The following GPC6 variants were observed in gnomAD, a reference collection of about 807,000 sequenced individuals.
GPC6 encodes glypican 6.
GPC6 carries 14 observed loss-of-function variants against 55.2 expected under a neutral mutation model. The ratio of observed to expected loss-of-function variants is 0.25; its 90% CI spans 0.17 to 0.40. The LOEUF (loss-of-function observed/expected upper bound fraction) is 0.40, where lower values mean the gene tolerates loss of function less well. GPC6 is among the 10% of genes least tolerant of loss of function. The pLI is 1.00. For synonymous variants in GPC6, 278 were observed against 259.6 expected, an observed-to-expected ratio of 1.07 and a Z score of -0.68; for missense variants, 641 against 708.5, an observed-to-expected ratio of 0.90 and a Z score of 1.08.
intron 1 of GPC6, among the ~76,000 whole-genome samples, chr13:93,529,991 T>G (rs1004476533): frequency 6.6e-6 from 1 of 152,224 alleles, no homozygotes; most frequent in African/African-American, 2.4e-5. Flanking sequence ...TCCATTTAAC[T>G]TTTATTGCAG....
chr13:94,117,318 T>C (rs1886468723), intron 4 of GPC6, among the ~76,000 whole-genome samples: 1 of 152,126 alleles, frequency 6.6e-6, no homozygotes, highest in Non-Finnish European at 1.5e-5. Context: ...GTATCCTGAA[T>C]AATAATTCTA....
intron 1 of GPC6, among the ~76,000 whole-genome samples, chr13:93,267,778 C>T (rs749552957): frequency 6.6e-6 from 1 of 152,078 alleles, no homozygotes; most frequent in Non-Finnish European, 1.5e-5. Context: ...AAGTAACAGG[C>T]TATTAGATCA....
At chr13:94,363,173 C>T (rs1427381024) in intron 6 of GPC6, among the ~76,000 whole-genome samples, 1 of 152,106 alleles carries the variant, frequency 6.6e-6, no homozygotes, top group African/African-American at 2.4e-5. Context: ...TGTTTTATTG[C>T]ATGAGTATCT....
chr13:94,117,150 G>A (rs1886464257), intron 4 of GPC6, among the ~76,000 whole-genome samples: 1 of 152,034 alleles, frequency 6.6e-6, no homozygotes, highest in Non-Finnish European at 1.5e-5. Context: ...CAAGCATTCT[G>A]CCTAATAATA....
chr13:94,298,901 C>G (rs1875490063), intron 5 of GPC6, among the ~76,000 whole-genome samples: 1 of 152,130 alleles, frequency 6.6e-6, no homozygotes, highest in African/African-American at 2.4e-5. Flanking sequence ...AAGTGTCTGT[C>G]CTATCATAGA....
At chr13:93,346,420 A>C (rs1272929471) in intron 1 of GPC6, among the ~76,000 whole-genome samples, 1 of 152,320 alleles carries the variant, frequency 6.6e-6, no homozygotes, top group South Asian at 2.1e-4. Flanking sequence ...TCCCAGGAAA[A>C]CTGAAGTGGC....
intron 4 of GPC6, among the ~76,000 whole-genome samples, chr13:94,230,171 A>T (rs1356077406): frequency 6.6e-6 from 1 of 152,132 alleles, no homozygotes; most frequent in African/African-American, 2.4e-5. Flanking sequence ...ACAAGTTACC[A>T]TATGTAAAGA....
intron 1 of GPC6, among the ~76,000 whole-genome samples, chr13:93,332,888 A>G (rs1419578789): frequency 2.0e-5 from 3 of 152,172 alleles, no homozygotes; most frequent in Non-Finnish European, 4.4e-5. Flanking sequence ...GTATTCAGTG[A>G]GAGACATGGG....
At chr13:93,950,127 A>G (rs1019067209) in intron 3 of GPC6, among the ~76,000 whole-genome samples, 3 of 152,236 alleles carry the variant, frequency 2.0e-5, no homozygotes, top group African/African-American at 7.2e-5. Flanking sequence ...ATGCCATTGA[A>G]TTGTACACCT....
At chr13:94,190,916 T>C (rs1193149547) in intron 4 of GPC6, among the ~76,000 whole-genome samples, 1 of 152,186 alleles carries the variant, frequency 6.6e-6, no homozygotes, top group African/African-American at 2.4e-5. Context: ...TGGTACATAT[T>C]AGTATGTAAG....
chr13:94,076,964 T>G (rs1362551499), intron 4 of GPC6, among the ~76,000 whole-genome samples: 4 of 94,102 alleles, frequency 4.3e-5, no homozygotes, highest in African/African-American at 1.4e-4. Context: ...GCTTCTGTTT[T>G]TTTTTTTTTT....
chr13:93,351,544 A>G (rs373140647), intron 1 of GPC6, among the ~76,000 whole-genome samples: 1 of 152,130 alleles, frequency 6.6e-6, no homozygotes, highest in Admixed American at 6.6e-5. Context: ...ACTATAGTTA[A>G]TAAAAGCACA....
chr13:93,893,232 G>T (rs879834328), intron 3 of GPC6, among the ~76,000 whole-genome samples: 5 of 151,810 alleles, frequency 3.3e-5, no homozygotes, highest in Non-Finnish European at 5.9e-5. Context: ...GCTAATTTTT[G>T]TATTTTAGTA....
At chr13:94,242,617 A>G (rs1338684731) in intron 4 of GPC6, among the ~76,000 whole-genome samples, 1 of 152,122 alleles carries the variant, frequency 6.6e-6, no homozygotes, top group Non-Finnish European at 1.5e-5. Flanking sequence ...AATGTGATGC[A>G]CACTAAAGCT....
intron 1 of GPC6, among the ~76,000 whole-genome samples, chr13:93,360,203 C>T (rs1444422598): frequency 6.6e-6 from 1 of 152,082 alleles, no homozygotes; most frequent in Non-Finnish European, 1.5e-5. Context: ...TGTTGAAACC[C>T]CAGAGTGAAA....
At chr13:93,512,938 A>T (rs1300320414) in intron 1 of GPC6, among the ~76,000 whole-genome samples, 1 of 152,214 alleles carries the variant, frequency 6.6e-6, no homozygotes, top group East Asian at 1.9e-4. Flanking sequence ...TATGAAAATC[A>T]GATTTAAAAA....
chr13:93,511,844 T>C (rs577970394), intron 1 of GPC6, among the ~76,000 whole-genome samples: 3 of 152,126 alleles, frequency 2.0e-5, no homozygotes, highest in African/African-American at 7.2e-5. Flanking sequence ...TTCAATTTCT[T>C]TCACCCAAGT....
chr13:93,346,556 C>T lies in GPC6; in HGVS notation c.160+118940C>T, dbSNP rs1035338775. Among the ~76,000 whole-genome samples, 21 of 152,212 alleles carry T rather than the reference C, an allele frequency of 1.4e-4. 1 individual carries two copies. The highest frequency in any genetic ancestry group is 4.3e-4 in the African/African-American group (18 of 41,528). Reference sequence around the variant, plus strand: ...GGGGTTCCAGGGAATGATATTTTTGCCTTTTATGTCCCCAAGTGTAGAAAG... The same window carrying T: ...GGGGTTCCAGGGAATGATATTTTTGTCTTTTATGTCCCCAAGTGTAGAAAG... On this transcript the variant is annotated intron_variant, in intron 1 of 8. Transcript: ENST00000377047.
intron 1 of GPC6, among the ~76,000 whole-genome samples, chr13:93,386,566 C>G (rs1875416345): frequency 6.6e-6 from 1 of 152,156 alleles, no homozygotes; most frequent in Admixed American, 6.5e-5. Flanking sequence ...CTCTGACATT[C>G]TTTTCTCTTT....
Sources: allele counts gnomAD v4.1 joint callset (sites outside exome capture counted in the v4.1 genomes callset), GRCh38; gene constraint gnomAD v4.1.1; transcripts MANE v1.5; gene names NCBI Gene and HGNC (gene_info 2026-07-23, HGNC 2026-07-21).